NFIA: variants seen among roughly 807,000 people sequenced by gnomAD.
NFIA encodes the protein nuclear factor I A.
A neutral mutation model predicts 62.8 loss-of-function variants in NFIA; 8 were observed. The observed-to-expected ratio is 0.13, with a 90% CI of 0.07 to 0.23. The LOEUF is 0.23. NFIA is among the 10% of genes least tolerant of loss of function. The pLI, the probability that NFIA is intolerant of heterozygous loss-of-function variation, is 1.00. For missense variants in NFIA, 410 were observed against 642.1 expected, an observed-to-expected ratio of 0.64 and a Z score of 3.91; for synonymous variants, 235 against 238.1, an observed-to-expected ratio of 0.99 and a Z score of 0.12.
At position 61,191,318 on chromosome 1, in the gene NFIA, A is replaced by G. The variant is rs80070882; in HGVS notation, c.560-86202A>G. Among the ~76,000 whole-genome samples the G allele has an allele frequency of 3.0e-3, 463 of 152,300 alleles. 5 individuals carry two copies. The South Asian group carries it at 0.032, about 10-fold the overall frequency. On this transcript the variant is annotated intron_variant, in intron 2 of 10. Coordinates refer to ENST00000403491, the MANE Select transcript of NFIA (RefSeq NM_001134673.4). ...GGAACCAAGAGAAACTAATGACCAA[A>G]TGAATAGTAGTATTTAAAGTCTCAA...
chr1:61,188,541 C>T (rs1319634734), intron 2 of NFIA, among the ~76,000 whole-genome samples: 2 of 152,222 alleles, frequency 1.3e-5, no homozygotes, highest in East Asian at 3.9e-4. Flanking sequence ...GGTTTAAATC[C>T]TGGCCCAGCC....
At chr1:61,280,934 T>C (rs1346069306) in intron 3 of NFIA, among the ~76,000 whole-genome samples, 1 of 152,120 alleles carries the variant, frequency 6.6e-6, no homozygotes, top group Non-Finnish European at 1.5e-5. Context: ...TCAGTTTTCT[T>C]ACCAGTAAAA....
At chr1:61,433,994 C>T (rs1166207536) in intron 10 of NFIA, among the ~76,000 whole-genome samples, 5 of 152,202 alleles carry the variant, frequency 3.3e-5, no homozygotes, top group Admixed American at 3.3e-4. Flanking sequence ...ACTGCAAAAT[C>T]CTAACCCTGT....
At chr1:61,216,012 G>A (rs1401552455) in intron 2 of NFIA, among the ~76,000 whole-genome samples, 1 of 152,190 alleles carries the variant, frequency 6.6e-6, no homozygotes, top group Non-Finnish European at 1.5e-5. Context: ...GATGTTACCA[G>A]GTGCAAGGAC....
intron 3 of NFIA, among the ~76,000 whole-genome samples, chr1:61,298,029 T>TA (rs938962372): frequency 6.6e-6 from 1 of 152,152 alleles, no homozygotes; most frequent in African/African-American, 2.4e-5. Context: ...GTATAACTGA[T>TA]ACGGTTTGGC....
intron 2 of NFIA, among the ~76,000 whole-genome samples, chr1:61,106,440 A>G (rs1231982853): frequency 1.3e-5 from 2 of 151,944 alleles, no homozygotes; most frequent in South Asian, 2.1e-4. Context: ...CTGAGATTAG[A>G]TTTTAACTAC....
intron 6 of NFIA, among the ~76,000 whole-genome samples, chr1:61,378,884 A>G (rs1189090068): frequency 6.6e-6 from 1 of 152,182 alleles, no homozygotes; most frequent in Non-Finnish European, 1.5e-5. Flanking sequence ...TGGCTGTCAC[A>G]GGCCCTTTCA....
At chr1:61,112,911 A>G (rs184639812) in intron 2 of NFIA, among the ~76,000 whole-genome samples, 1 of 152,104 alleles carries the variant, frequency 6.6e-6, no homozygotes, top group African/African-American at 2.4e-5. Context: ...AGGATTTTTT[A>G]TTGTTAATTT....
intron 3 of NFIA, among the ~76,000 whole-genome samples, chr1:61,283,541 C>T (rs1022883186): frequency 3.8e-4 from 50 of 130,986 alleles, no homozygotes; most frequent in African/African-American, 1.4e-3. Context: ...GAGATCACAC[C>T]ACTGCACTCC....
intron 7 of NFIA, among the ~76,000 whole-genome samples, chr1:61,385,701 C>T (rs1052914910): frequency 3.3e-5 from 5 of 152,228 alleles, no homozygotes; most frequent in African/African-American, 1.2e-4. Flanking sequence ...GATGACTAAG[C>T]ACATTTTCTA....
chr1:61,106,187 C>G (rs1646597212), intron 2 of NFIA, among the ~76,000 whole-genome samples: 1 of 151,510 alleles, frequency 6.6e-6, no homozygotes, highest in Admixed American at 6.6e-5. Flanking sequence ...ATATATGACA[C>G]TGTATATTTA....
At chr1:61,334,210 G>T (rs1661461072) in intron 4 of NFIA, among the ~76,000 whole-genome samples, 1 of 152,066 alleles carries the variant, frequency 6.6e-6, no homozygotes. Flanking sequence ...TTCCAGTGTA[G>T]AAGAGTTGGA....
At chr1:61,303,380 A>G (rs1365505844) in intron 3 of NFIA, among the ~76,000 whole-genome samples, 1 of 152,234 alleles carries the variant, frequency 6.6e-6, no homozygotes, top group Admixed American at 6.5e-5. Flanking sequence ...TGAGAAAAGT[A>G]TCTAGTGCAT....
chr1:61,117,531 G>A (rs138333172), intron 2 of NFIA, among the ~76,000 whole-genome samples: 55 of 152,156 alleles, frequency 3.6e-4, no homozygotes, highest in Non-Finnish European at 6.3e-4. Context: ...TAGATTCCTG[G>A]ATAGGCACAG....
At chr1:61,344,244 G>C (rs1262750929) in intron 4 of NFIA, among the ~76,000 whole-genome samples, 4 of 152,146 alleles carry the variant, frequency 2.6e-5, no homozygotes, top group Non-Finnish European at 5.9e-5. Flanking sequence ...GCCTTTGATA[G>C]AAAGAAGAAC....
At chr1:61,390,382 GA>G (rs1664911435) in intron 7 of NFIA, among the ~76,000 whole-genome samples, 1 of 151,904 alleles carries the variant, frequency 6.6e-6, no homozygotes, top group African/African-American at 2.4e-5. Context: ...CCTGGATTCT[GA>G]AAATACGCCT....
At chr1:61,316,400 A>G (rs1278776293) in intron 3 of NFIA, among the ~76,000 whole-genome samples, 1 of 152,184 alleles carries the variant, frequency 6.6e-6, no homozygotes, top group African/African-American at 2.4e-5. Context: ...GTCTTAAGGC[A>G]GTGTTTATAC....
upstream of NFIA, chr1:61,082,068 G>A: frequency 6.5e-7 from 1 of 1,541,946 alleles, no homozygotes; most frequent in Non-Finnish European, 8.7e-7. Context: ...GTCTGCAGCG[G>A]GGGTGGGGGG....
intron 6 of NFIA, among the ~76,000 whole-genome samples, chr1:61,365,084 G>T (rs1314487602): frequency 6.6e-6 from 1 of 152,186 alleles, no homozygotes; most frequent in Admixed American, 6.5e-5. Context: ...CTACTTGGGA[G>T]GCTGAGGCAG....
Sources: allele counts gnomAD v4.1 joint callset (sites outside exome capture counted in the v4.1 genomes callset), GRCh38; gene constraint gnomAD v4.1.1; transcripts MANE v1.5; gene names NCBI Gene and HGNC (gene_info 2026-07-23, HGNC 2026-07-21).